The following SYNE2 variants were observed in gnomAD, a reference collection of about 807,000 sequenced individuals.
SYNE2 encodes the protein spectrin repeat containing nuclear envelope protein 2.
SYNE2 carries 431 observed loss-of-function variants against 856.3 expected under a neutral mutation model. That is an observed-to-expected ratio of 0.50 (90% CI 0.47 to 0.55). The LOEUF (loss-of-function observed/expected upper bound fraction) is 0.55. SYNE2 is among the 20% of genes least tolerant of loss of function. The pLI is 0.00. For missense variants in SYNE2, 8,129 were observed against 8,023.2 expected, an observed-to-expected ratio of 1.01 and a Z score of -0.50; for synonymous variants, 2,923 against 2,872.3, an observed-to-expected ratio of 1.02 and a Z score of -0.56.
At chr14:64,218,140 A>G (rs2098675721) in intron 108 of SYNE2, 2 of 442,976 alleles carry the variant, frequency 4.5e-6, no homozygotes, top group Admixed American at 6.9e-5. Flanking sequence ...CAATTGAAAC[A>G]GACCCTTTTC....
At chr14:63,990,643 G>T (rs1482103278) in intron 20 of SYNE2, 74 bp downstream of exon 20, 8 of 1,290,668 alleles carry the variant, frequency 6.2e-6, no homozygotes, top group Non-Finnish European at 9.0e-6. Context: ...GCAGTGAAGG[G>T]GGGTGATAGC....
chr14:64,141,812 G>GTTT lies in SYNE2; in HGVS notation c.15160-122_15160-120dup, dbSNP rs5809213. On this transcript the variant is annotated intron_variant, in intron 81 of 115. Coordinates refer to ENST00000555002, the MANE Select transcript of SYNE2 (RefSeq NM_182914.3). ...TATTCTAAGTTTGAATGCTGGGTTTGTTTTTTTTTTGAGTAACCTGCATAA... is the reference window on the plus strand; with the variant it reads ...TATTCTAAGTTTGAATGCTGGGTTTGTTTTTTTTTTTTTGAGTAACCTGCATAA... 15 of 1,023,330 alleles carry GTTT rather than the reference G, an allele frequency of 1.5e-5. No individual in the cohort carries two copies. In the African/African-American group the frequency reaches 2.4e-4, roughly 16 times the overall value. The allele number at this position is 1,023,330 out of a possible 1,614,324, so 63.4% of individuals were successfully genotyped here.
chr14:63,986,936 C>T (rs1365941471), intron 19 of SYNE2, among the ~76,000 whole-genome samples: 1 of 152,110 alleles, frequency 6.6e-6, no homozygotes, highest in Non-Finnish European at 1.5e-5. Context: ...CTCATTATAG[C>T]TCAGTGCAGA....
chr14:63,967,682 A>T (rs753942303), intron 10 of SYNE2, 27 bp from the exon 11 acceptor site: 1 of 1,609,668 alleles, frequency 6.2e-7, no homozygotes, highest in Non-Finnish European at 8.5e-7. Flanking sequence ...AACATTTTCA[A>T]TCTTTAAAAT....
chr14:63,898,643 G>A (rs1253088309), intron 1 of SYNE2, among the ~76,000 whole-genome samples: 1 of 152,034 alleles, frequency 6.6e-6, no homozygotes, highest in Non-Finnish European at 1.5e-5. Flanking sequence ...GGCCTCAAGC[G>A]ATTCGCCCAC....
intron 87 of SYNE2, 31 bp from the exon 88 acceptor site, chr14:64,162,041 G>A (rs778469222): frequency 1.2e-6 from 2 of 1,613,434 alleles, no homozygotes; most frequent in Non-Finnish European, 1.7e-6. Flanking sequence ...AGGAGAGAAT[G>A]AGGGTTATGT....
intron 27 of SYNE2, among the ~76,000 whole-genome samples, chr14:63,999,366 G>A (rs1010613139): frequency 2.6e-5 from 4 of 152,210 alleles, no homozygotes; most frequent in African/African-American, 7.2e-5. Flanking sequence ...AAAACAATGT[G>A]TTTGAAGGGA....
intron 1 of SYNE2, among the ~76,000 whole-genome samples, chr14:63,831,884 T>C (rs1195115789): frequency 6.6e-6 from 1 of 152,136 alleles, no homozygotes; most frequent in Non-Finnish European, 1.5e-5. Context: ...TAATGATTAT[T>C]GAAGTCACTA....
chr14:63,938,135 G>A (rs1333840317), intron 2 of SYNE2, among the ~76,000 whole-genome samples: 1 of 152,158 alleles, frequency 6.6e-6, no homozygotes, highest in African/African-American at 2.4e-5. Context: ...CAGGACATTG[G>A]AAAGTTCATT....
intron 57 of SYNE2, among the ~76,000 whole-genome samples, chr14:64,082,434 A>G (rs2097531572): frequency 6.6e-6 from 1 of 152,046 alleles, no homozygotes; most frequent in Admixed American, 6.5e-5. Flanking sequence ...CATTTCAGAT[A>G]AGGGCTACTC....
intron 48 of SYNE2, among the ~76,000 whole-genome samples, chr14:64,055,517 C>T (rs11626548): frequency 0.03 from 4,602 of 151,700 alleles, 105 homozygotes; most frequent in Admixed American, 0.065. Flanking sequence ...TACAGGCGCG[C>T]GCCACCACAC....
chr14:63,995,030 G>T lies in SYNE2; in HGVS notation c.2782-14G>T. ...GTTCTCATGGTTAATATATTCCTTT[G>T]ATTTTTTTTGTAGTCTCTTCATCAT... On this transcript the variant is annotated splice_polypyrimidine_tract_variant and intron_variant, in intron 22 of 115. Transcript: ENST00000555002. The T allele has an allele frequency of 6.8e-7, 1 of 1,479,248 alleles. No individual in the cohort carries two copies. Among genetic ancestry groups the T allele is most frequent in the South Asian group, 1.2e-5 (1 of 83,120 alleles). The allele number at this position is 1,479,248 out of a possible 1,614,324, so 91.6% of individuals were successfully genotyped here. A position where few individuals can be genotyped will look rare whatever the true frequency, so the allele number is the denominator to read the frequency against.
In SYNE2 at chr14:64,010,010, A is replaced by T; in HGVS notation, c.4622A>T (p.Gln1541Leu). The T allele has an allele frequency of 6.2e-7, 1 of 1,614,086 alleles. No homozygotes were observed. Among genetic ancestry groups the T allele is most frequent in the Non-Finnish European group, 8.5e-7 (1 of 1,179,962 alleles). The change falls in exon 32 of 116, where the codon CAG becomes CTG. Residue 1541 changes from glutamine (Q) to leucine (L), a missense_variant. Physicochemically the swap from Gln to Leu is moderately radical, Grantham distance 113. Transcript: ENST00000555002. Reference sequence around the variant, plus strand: ...GTTTTGGAGCTCTTAAAACAATATCAGAATTTTAAAAGCATCTTGACAACT... The same window carrying T: ...GTTTTGGAGCTCTTAAAACAATATCTGAATTTTAAAAGCATCTTGACAACT... ...GRVLELLKQYQNFKSILTTLI... is the reference protein window; with the variant it reads ...GRVLELLKQYLNFKSILTTLI...
At chr14:63,781,746 C>T (rs997688213) in intron 1 of SYNE2, among the ~76,000 whole-genome samples, 1 of 151,760 alleles carries the variant, frequency 6.6e-6, no homozygotes, top group Non-Finnish European at 1.5e-5. Flanking sequence ...AATGACACAC[C>T]AATAGCAGTG....
intron 101 of SYNE2, 148 bp from the exon 102 acceptor site, chr14:64,209,280 C>A: frequency 7.5e-7 from 1 of 1,330,082 alleles, no homozygotes; most frequent in Non-Finnish European, 1.0e-6. Flanking sequence ...GCAGGAGGAG[C>A]ACAGACAAGA....
At chr14:64,196,820 G>A (rs1474732826) in intron 99 of SYNE2, 1 of 152,258 alleles carries the variant, frequency 6.6e-6, no homozygotes, top group East Asian at 1.9e-4. Flanking sequence ...GAAAAAGCTG[G>A]AGATATTTGT....
At chr14:63,848,144 C>T (rs1890293255), upstream of SYNE2, 3 of 152,254 alleles carry the variant, frequency 2.0e-5, no homozygotes, top group South Asian at 6.2e-4. Flanking sequence ...GTCTAAACCT[C>T]CCAAATTGCT....
At chr14:63,932,362 A>G (rs1168223921) in intron 2 of SYNE2, among the ~76,000 whole-genome samples, 1 of 152,216 alleles carries the variant, frequency 6.6e-6, no homozygotes, top group Non-Finnish European at 1.5e-5. Context: ...AGCCTGGGTG[A>G]CAAGAGTGAA....
chr14:63,902,154 T>A (rs1263029604), intron 1 of SYNE2, among the ~76,000 whole-genome samples: 1 of 152,144 alleles, frequency 6.6e-6, no homozygotes, highest in Non-Finnish European at 1.5e-5. Context: ...CTCATGCCTG[T>A]AATCCCAGCA....
Sources: allele counts gnomAD v4.1 joint callset (sites outside exome capture counted in the v4.1 genomes callset), GRCh38; gene constraint gnomAD v4.1.1; transcripts MANE v1.5; gene names NCBI Gene and HGNC (gene_info 2026-07-23, HGNC 2026-07-21).